The following WBP4 variants were observed in gnomAD, a reference collection of about 807,000 sequenced individuals.
WBP4 encodes the protein WW domain-binding protein 4.
A neutral mutation model predicts 55.4 loss-of-function variants in WBP4; 37 were observed. That is an observed-to-expected ratio of 0.67 (90% confidence interval 0.51 to 0.88). The LOEUF (loss-of-function observed/expected upper bound fraction) is 0.88, where lower values mean the gene tolerates loss of function less well. Among genes scored for constraint, WBP4 ranks in the 40% least tolerant of loss-of-function variants. WBP4 has a pLI of 0.00. For synonymous variants in WBP4, 142 were observed against 140.2 expected, an observed-to-expected ratio of 1.01 and a Z score of -0.09; for missense variants, 398 against 420.8, an observed-to-expected ratio of 0.95 and a Z score of 0.47.
chr13:41,075,298 A>G (rs983524112), intron 7 of WBP4, among the ~76,000 whole-genome samples: 1 of 152,096 alleles, frequency 6.6e-6, no homozygotes, highest in African/African-American at 2.4e-5. Flanking sequence ...CCCCCCACCC[A>G]CCAAACCACC....
Position 41,080,965 on chromosome 13 carries a change from T to C in WBP4, c.920+156T>C, listed in dbSNP as rs190983423. Among the ~76,000 whole-genome samples the C allele has an allele frequency of 6.4e-4, 98 of 152,122 alleles. 2 individuals are homozygous for C. The highest frequency in any genetic ancestry group is 6.3e-3 in the Admixed American group (96 of 15,272). Reference sequence around the variant, plus strand: ...CTGTAATCCCAGCACTTTGGGAGGCTGAGGTGGGCGGATCACGAGGTCAAG... The same window carrying C: ...CTGTAATCCCAGCACTTTGGGAGGCCGAGGTGGGCGGATCACGAGGTCAAG... On this transcript the variant is annotated intron_variant, in intron 9 of 9. Transcript: ENST00000379487.
chr13:41,082,729 A>AG lies in WBP4; in HGVS notation c.947dup (p.Ser316ArgfsTer3). 1 of 1,614,068 alleles carries AG rather than the reference A, an allele frequency of 6.2e-7. No individual in the cohort carries two copies. The highest frequency in any genetic ancestry group is 1.1e-5 in the South Asian group (1 of 91,078). On this transcript the variant is annotated frameshift_variant, in exon 10 of 10. Transcript: ENST00000379487. LOFTEE classifies it high-confidence loss of function. The stretch of plus-strand genomic sequence containing the variant: ...TGAGGAGGTAGATTTGGAACTTCCA[A>AG]GCACTGAAAATGAGTATGTATCAAC...
rs777363181 is a variant in WBP4, at chr13:41,076,031, A to G, written c.563-13A>G. The G allele has an allele frequency of 4.4e-6, 7 of 1,604,068 alleles. No individual in the cohort carries two copies. The highest frequency in any genetic ancestry group is 5.9e-6 in the Non-Finnish European group (7 of 1,177,672). On this transcript the variant is annotated splice_polypyrimidine_tract_variant and intron_variant, in intron 7 of 9. Transcript: ENST00000379487. The stretch of plus-strand genomic sequence containing the variant: ...AATAACTAAATAACATGACTTTAAA[A>G]TGTGTTGAGCAGAATCCAGATGGGA...
intron 6 of WBP4, 64 bp downstream of exon 6, chr13:41,071,637 T>G (rs1401075005): frequency 3.4e-6 from 5 of 1,475,924 alleles, no homozygotes; most frequent in African/African-American, 2.8e-5. Flanking sequence ...TCTTAGGTTT[T>G]TGTAGAGTTT....
At chr13:41,070,026 C>G (rs115267489) in intron 5 of WBP4, among the ~76,000 whole-genome samples, 14 of 152,088 alleles carry the variant, frequency 9.2e-5, no homozygotes, top group African/African-American at 3.4e-4. Flanking sequence ...ATTTATTCTA[C>G]ATTTATGTAG....
At chr13:41,062,513 A>G in intron 1 of WBP4, 131 bp from the exon 2 acceptor site, 1 of 796,856 alleles carries the variant, frequency 1.3e-6, no homozygotes, top group Non-Finnish European at 1.8e-6. Flanking sequence ...AAATAATAAA[A>G]CGACTATACA....
chr13:41,072,671 A>G (rs796528578), intron 6 of WBP4, 111 bp from the exon 7 acceptor site: 2 of 837,328 alleles, frequency 2.4e-6, no homozygotes, highest in Non-Finnish European at 1.9e-6. Context: ...GCAGATCGAG[A>G]TGATATCACC....
chr13:41,074,462 T>C (rs1878390407), intron 7 of WBP4, among the ~76,000 whole-genome samples: 2 of 152,156 alleles, frequency 1.3e-5, no homozygotes, highest in Non-Finnish European at 2.9e-5. Context: ...TCCAGTACAA[T>C]TGAAGGTTGG....
chr13:41,061,587 G>A lies in WBP4; in HGVS notation c.-87G>A, dbSNP rs1390619908. 6 of 1,608,024 alleles carry A rather than the reference G, an allele frequency of 3.7e-6. No homozygotes were observed. Among genetic ancestry groups the A allele is most frequent in the Non-Finnish European group, 5.1e-6 (6 of 1,175,894 alleles). Reference sequence around the variant, plus strand: ...CGGAGGGAGGTTCGGGTGGGCATCGGGCGGCTGGAAGAGCTCGACTCGTCC... The same window carrying A: ...CGGAGGGAGGTTCGGGTGGGCATCGAGCGGCTGGAAGAGCTCGACTCGTCC... On this transcript the variant is annotated 5_prime_UTR_variant, in exon 1 of 10. Coordinates refer to ENST00000379487, the MANE Select transcript of WBP4 (RefSeq NM_007187.5).
intron 6 of WBP4, among the ~76,000 whole-genome samples, chr13:41,072,294 T>G (rs1878284996): frequency 6.6e-6 from 1 of 152,138 alleles, no homozygotes; most frequent in Admixed American, 6.5e-5. Flanking sequence ...CTTGCATTGC[T>G]ATAAAGAAAT....
rs1593436764 is a variant in WBP4, at chr13:41,082,977, A to G, written c.*63A>G. The G allele has an allele frequency of 2.7e-6, 4 of 1,467,490 alleles. No homozygotes were observed. Among genetic ancestry groups the G allele is most frequent in the Middle Eastern group, 1.8e-4 (1 of 5,682 alleles). The allele number at this position is 1,467,490 out of a possible 1,614,324, so 90.9% of individuals were successfully genotyped here. A position where few individuals can be genotyped will look rare whatever the true frequency, so the allele number is the denominator to read the frequency against. Reference sequence around the variant, plus strand: ...ATGGAGACTTATACACCCAAAGTTTATCTGTGTTTGTTTGTAAGTATTATG... The same window carrying G: ...ATGGAGACTTATACACCCAAAGTTTGTCTGTGTTTGTTTGTAAGTATTATG... On this transcript the variant is annotated 3_prime_UTR_variant, in exon 10 of 10. Transcript: ENST00000379487.
chr13:41,068,287 A>T (rs1878067143), intron 4 of WBP4, among the ~76,000 whole-genome samples: 1 of 152,112 alleles, frequency 6.6e-6, no homozygotes, highest in Non-Finnish European at 1.5e-5. Flanking sequence ...ATGCTTGCCT[A>T]TTTCTATGTC....
chr13:41,064,280 T>C (rs1011284456), intron 2 of WBP4, among the ~76,000 whole-genome samples: 1 of 152,140 alleles, frequency 6.6e-6, no homozygotes, highest in Middle Eastern at 3.2e-3. Flanking sequence ...GAATGTACCA[T>C]AGTTTAACCA....
At chr13:41,077,272 A>AT (rs1332456239) in intron 8 of WBP4, among the ~76,000 whole-genome samples, 1 of 152,192 alleles carries the variant, frequency 6.6e-6, no homozygotes, top group African/African-American at 2.4e-5. Flanking sequence ...TCCTTTCATG[A>AT]TAAAAACCTT....
At chr13:41,062,515 G>A in intron 1 of WBP4, 129 bp from the exon 2 acceptor site, 1 of 814,712 alleles carries the variant, frequency 1.2e-6, no homozygotes, top group East Asian at 2.8e-5. Flanking sequence ...ATAATAAAAC[G>A]ACTATACATA....
chr13:41,080,589 AT>A (rs1878725597), intron 8 of WBP4, 56 bp from the exon 9 acceptor site: 4 of 1,350,442 alleles, frequency 3.0e-6, no homozygotes, highest in South Asian at 2.8e-5. Flanking sequence ...CTTAAATTTT[AT>A]TTTTGTCTTG....
chr13:41,076,266 CA>C (rs752088633), intron 8 of WBP4, 29 bp downstream of exon 8: 75 of 571,888 alleles, frequency 1.3e-4, no homozygotes, highest in East Asian at 1.0e-3. Context: ...CTCTTCACAT[CA>C]AATTTTTTTT....
intron 7 of WBP4, among the ~76,000 whole-genome samples, chr13:41,073,936 T>A (rs1256699401): frequency 7.0e-6 from 1 of 142,498 alleles, no homozygotes; most frequent in Non-Finnish European, 1.5e-5. Flanking sequence ...TATCTAAAAC[T>A]TTTTTTTTTT....
intron 2 of WBP4, among the ~76,000 whole-genome samples, chr13:41,063,801 G>A (rs11616971): frequency 0.01 from 1,567 of 152,182 alleles, 20 homozygotes; most frequent in Admixed American, 0.02. Context: ...GAAACGCAAT[G>A]TATGAAAAAC....
Sources: gnomAD v4.1 joint callset for allele counts (sites outside exome capture counted in the v4.1 genomes callset) on GRCh38, gnomAD v4.1.1 for gene constraint, MANE v1.5 for transcripts, NCBI Gene and HGNC (gene_info 2026-07-23, HGNC 2026-07-21) for gene names.